Variants in DNM1L observed in about 807,000 individuals in gnomAD.
The protein encoded by DNM1L is dynamin 1L.
In DNM1L, 33 loss-of-function variants were observed where a neutral mutation model predicts 92.8. That is an observed-to-expected ratio of 0.36 (90% CI 0.27 to 0.48). The LOEUF is 0.48. DNM1L is among the 20% of genes least tolerant of loss of function. The pLI is 0.99. For synonymous variants in DNM1L, 284 were observed against 305.0 expected, an observed-to-expected ratio of 0.93 and a Z score of 0.72; for missense variants, 485 against 888.8, an observed-to-expected ratio of 0.55 and a Z score of 5.78.
intron 1 of DNM1L, among the ~76,000 whole-genome samples, chr12:32,680,698 G>T (rs925411289): frequency 7.9e-5 from 12 of 152,082 alleles, no homozygotes; most frequent in Non-Finnish European, 1.8e-4. Context: ...CAAATTACGA[G>T]GATTATTTTT....
rs886049286 is a variant in DNM1L at position 32,743,566 on chromosome 12, A to C, written c.*156A>C. 2.1e-5 allele frequency: 14 copies of C among 674,470 alleles called. No homozygotes were observed. Among genetic ancestry groups the C allele is most frequent in the Admixed American group, 1.0e-4 (4 of 38,378 alleles). The allele number at this position is 674,470 out of a possible 1,614,324, so 41.8% of individuals were successfully genotyped here. A position where few individuals can be genotyped will look rare whatever the true frequency, so the allele number is the denominator to read the frequency against. On this transcript the variant is annotated 3_prime_UTR_variant, in exon 20 of 20. Transcript: ENST00000549701. ...AACTGAAAAGTGTATTCCAAATTGC[A>C]GAACACATCACACATTTAATCCAAA...
chr12:32,713,620 T>A (rs952819683), intron 6 of DNM1L, among the ~76,000 whole-genome samples: 2 of 152,172 alleles, frequency 1.3e-5, no homozygotes, highest in African/African-American at 4.8e-5. Context: ...TTAAAAATAA[T>A]ACGGTGGCTT....
At chr12:32,737,020 C>T (rs1393638991) in intron 13 of DNM1L, 85 bp from the exon 14 acceptor site, 3 of 1,401,734 alleles carry the variant, frequency 2.1e-6, no homozygotes, top group Non-Finnish European at 2.0e-6. Flanking sequence ...AGTTACTCCA[C>T]ACTTTTCAAT....
intron 2 of DNM1L, among the ~76,000 whole-genome samples, chr12:32,702,466 T>C (rs1194681858): frequency 1.3e-5 from 2 of 152,164 alleles, no homozygotes; most frequent in African/African-American, 4.8e-5. Context: ...GACTTTCTTA[T>C]TTATAGAACT....
intron 6 of DNM1L, among the ~76,000 whole-genome samples, chr12:32,715,680 C>T (rs116095680): frequency 0.012 from 1,825 of 151,924 alleles, 36 homozygotes; most frequent in African/African-American, 0.042. Context: ...TACAATGAGC[C>T]GAGATTGTGC....
In DNM1L at chr12:32,743,529, A is replaced by T; in HGVS notation, c.*119A>T. ...CAATGGTATGAATCTGCTCATGTGG[A>T]GACTGGCTATAAACTGAAAAGTGTA... On this transcript the variant is annotated 3_prime_UTR_variant, in exon 20 of 20. Coordinates refer to ENST00000549701, the MANE Select transcript of DNM1L (RefSeq NM_012062.5). 1.1e-6 allele frequency: 1 copy of T among 942,834 alleles called. No homozygotes were observed. Among genetic ancestry groups the T allele is most frequent in the Non-Finnish European group, 1.7e-6 (1 of 600,450 alleles). The allele number at this position is 942,834 out of a possible 1,614,324, so 58.4% of individuals were successfully genotyped here.
At chr12:32,696,287 A>C (rs1952444612) in intron 1 of DNM1L, among the ~76,000 whole-genome samples, 1 of 151,976 alleles carries the variant, frequency 6.6e-6, no homozygotes, top group South Asian at 2.1e-4. Context: ...TGTAGTCCCA[A>C]CACTTTTGGG....
intron 2 of DNM1L, chr12:32,706,104 C>G (rs1952915983): frequency 2.5e-6 from 1 of 406,138 alleles, no homozygotes; most frequent in Admixed American, 4.3e-5. Context: ...GAAGCCAAGC[C>G]TTTTTAAATA....
chr12:32,712,391 G>A (rs1294990055), intron 5 of DNM1L, among the ~76,000 whole-genome samples: 1 of 151,784 alleles, frequency 6.6e-6, no homozygotes, highest in Non-Finnish European at 1.5e-5. Flanking sequence ...CTCCCTTATT[G>A]GCTTAATTTC....
At chr12:32,707,900 G>A (rs370756660) in intron 3 of DNM1L, among the ~76,000 whole-genome samples, 13 of 151,736 alleles carry the variant, frequency 8.6e-5, no homozygotes, top group Non-Finnish European at 1.5e-4. Flanking sequence ...GCAGTGAGCC[G>A]TGATTGTGCC....
At chr12:32,741,865 G>A (rs1955320277) in intron 18 of DNM1L, among the ~76,000 whole-genome samples, 1 of 152,110 alleles carries the variant, frequency 6.6e-6, no homozygotes, top group Admixed American at 6.5e-5. Flanking sequence ...GTTTGTGTAA[G>A]TACACTCTGT....
chr12:32,707,428 A>T lies in DNM1L; in HGVS notation c.297+15A>T. ...CCAAAAATAAGGTAATCACACATGC[A>T]TATAATGAAGAAATAATGTTGAAAA... On this transcript the variant is annotated intron_variant, in intron 3 of 19. Coordinates refer to ENST00000549701, the MANE Select transcript of DNM1L (RefSeq NM_012062.5). 6.4e-7 allele frequency: 1 copy of T among 1,566,116 alleles called. No individual in the cohort carries two copies. The highest frequency in any genetic ancestry group is 8.7e-7 in the Non-Finnish European group (1 of 1,153,386).
At chr12:32,693,218 A>G (rs898914552) in intron 1 of DNM1L, among the ~76,000 whole-genome samples, 3 of 152,032 alleles carry the variant, frequency 2.0e-5, no homozygotes, top group Admixed American at 1.3e-4. Context: ...TGTGGTTTCT[A>G]TTGCATCCTC....
At chr12:32,698,189 G>A (rs1476507867) in intron 1 of DNM1L, among the ~76,000 whole-genome samples, 1 of 152,154 alleles carries the variant, frequency 6.6e-6, no homozygotes, top group Non-Finnish European at 1.5e-5. Context: ...TAACTCTCCA[G>A]ATCCATTCAG....
chr12:32,690,970 G>A (rs1435858076), intron 1 of DNM1L, among the ~76,000 whole-genome samples: 1 of 152,140 alleles, frequency 6.6e-6, no homozygotes, highest in Admixed American at 6.5e-5. Flanking sequence ...GCATGTGTGC[G>A]CAGTTGAGTT....
chr12:32,684,344 G>C (rs993529858), intron 1 of DNM1L, among the ~76,000 whole-genome samples: 12 of 152,222 alleles, frequency 7.9e-5, no homozygotes, highest in Non-Finnish European at 1.8e-4. Flanking sequence ...ACTGGAAAAA[G>C]CAGGTATCAC....
chr12:32,692,643 A>G (rs190837721), intron 1 of DNM1L: 10 of 147,898 alleles, frequency 6.8e-5, no homozygotes, highest in African/African-American at 2.0e-4. Flanking sequence ...TCTCCAATGT[A>G]TAGTTTTTTG....
chr12:32,719,717 G>T (rs1438851727), intron 7 of DNM1L, among the ~76,000 whole-genome samples: 1 of 152,142 alleles, frequency 6.6e-6, no homozygotes, highest in Admixed American at 6.6e-5. Context: ...ATCGGGAAAA[G>T]GAAATTATTA....
chr12:32,696,455 C>T (rs1038426508), intron 1 of DNM1L, among the ~76,000 whole-genome samples: 21 of 151,764 alleles, frequency 1.4e-4, no homozygotes, highest in African/African-American at 3.1e-4. Context: ...TGCATGCACA[C>T]GCTGGGTGTG....
Sources: allele counts gnomAD v4.1 joint callset (sites outside exome capture counted in the v4.1 genomes callset), GRCh38; gene constraint gnomAD v4.1.1; transcripts MANE v1.5; gene names NCBI Gene and HGNC (gene_info 2026-07-23, HGNC 2026-07-21).